TFDP2: variants seen among roughly 807,000 people sequenced by gnomAD.
TFDP2 encodes transcription factor Dp-2, also known as transcription factor Dp-2 (E2F dimerization partner 2).
Under a neutral mutation model 59.3 loss-of-function variants are expected in TFDP2, and 17 were observed. The ratio of observed to expected loss-of-function variants is 0.29; its 90% confidence interval spans 0.20 to 0.43. TFDP2 has a LOEUF of 0.43. Ranked by LOEUF, TFDP2 falls within the 20% of genes least tolerant of loss-of-function variation. The pLI is 1.00. For missense variants in TFDP2, 391 were observed against 528.8 expected (o/e 0.74, Z 2.56); for synonymous variants, 180 against 194.7 (o/e 0.92, Z 0.63).
intron 2 of TFDP2, among the ~76,000 whole-genome samples, chr3:142,099,613 T>A (rs1252469667): frequency 6.6e-6 from 1 of 151,182 alleles, no homozygotes; most frequent in Non-Finnish European, 1.5e-5. Context: ...GGCAGGAGAA[T>A]CACTTGAACC....
chr3:142,122,425 C>T (rs2062081642), intron 1 of TFDP2, among the ~76,000 whole-genome samples: 1 of 152,126 alleles, frequency 6.6e-6, no homozygotes, highest in South Asian at 2.1e-4. Context: ...GGATCACTTC[C>T]AATACCAACT....
rs540253965 is a variant in TFDP2 at position 142,078,087 on chromosome 3, T to G, written c.82+14974A>C. On this transcript the variant is annotated intron_variant, in intron 3 of 12. Coordinates refer to ENST00000489671, the MANE Select transcript of TFDP2 (RefSeq NM_001178139.2). ...TGGTGGTGGCTGGGGGAAAGACTCC[T>G]CTGCCTGTGGAAAGGGGAGAGAAGA... Among the ~76,000 whole-genome samples the G allele has an allele frequency of 8.1e-4, 124 of 152,264 alleles. 1 individual carries two copies. The highest frequency in any genetic ancestry group is 2.8e-3 in the African/African-American group (116 of 41,544).
At chr3:141,997,428 G>A (rs1943367156) in intron 4 of TFDP2, among the ~76,000 whole-genome samples, 2 of 152,078 alleles carry the variant, frequency 1.3e-5, no homozygotes, top group Non-Finnish European at 2.9e-5. Context: ...TCCTTGAACA[G>A]CAGTGTCTAC....
rs1941880968 is a variant in TFDP2 at position 141,984,632 on chromosome 3, A to G, written c.357-5950T>C. 2.0e-5 allele frequency among the ~76,000 whole-genome samples: 3 copies of G among 152,218 alleles called. No individual in the cohort carries two copies. In the South Asian group the frequency reaches 6.2e-4, roughly 31 times the overall value. On this transcript the variant is annotated intron_variant, in intron 6 of 12. Transcript: ENST00000489671. Reference sequence around the variant, plus strand: ...TGCTTCATGGGGACAGAGTTTCAATATGGGATGATGAAAAAGTTCTCAAGA... The same window carrying G: ...TGCTTCATGGGGACAGAGTTTCAATGTGGGATGATGAAAAAGTTCTCAAGA...
chr3:142,119,198 A>G (rs528607311), intron 1 of TFDP2, among the ~76,000 whole-genome samples: 1 of 152,302 alleles, frequency 6.6e-6, no homozygotes, highest in South Asian at 2.1e-4. Context: ...CATTCCAGAA[A>G]TAAAATACTT....
At chr3:142,012,701 A>G (rs575036092) in intron 3 of TFDP2, among the ~76,000 whole-genome samples, 4 of 152,340 alleles carry the variant, frequency 2.6e-5, no homozygotes, top group South Asian at 2.1e-4. Context: ...ATATTTTTAT[A>G]TATTCATAAA....
In TFDP2 at chr3:141,993,574, C is replaced by T. The variant is rs776524764; in HGVS notation, c.320G>A (p.Arg107Gln). The change falls in exon 6 of 13, where the codon CGG (arginine) becomes CAG (glutamine). Residue 107 changes from arginine to glutamine, a missense_variant. Coordinates refer to ENST00000489671, the MANE Select transcript of TFDP2 (RefSeq NM_001178139.2). ...ATCAGAGTCTATAAATTTTCTAGCC[C>T]GTTTTCTATCACTAAAAAGGAAAAA... ...ATGWVPGDRK[R>Q]ARKFIDSDFS... 4 of 1,565,142 alleles carry T rather than the reference C, an allele frequency of 2.6e-6. No individual in the cohort carries two copies. The highest frequency in any genetic ancestry group is 3.5e-6 in the Non-Finnish European group (4 of 1,145,500).
intron 3 of TFDP2, among the ~76,000 whole-genome samples, chr3:142,061,893 C>CCT (rs879708022): frequency 2.7e-5 from 1 of 37,370 alleles, no homozygotes; most frequent in African/African-American, 1.8e-4. Flanking sequence ...TCTCTCTACA[C>CCT]ACACACACAC....
chr3:141,952,360 C>A lies in TFDP2; in HGVS notation c.*153G>T, dbSNP rs1936018924. ...TTAACTTTCATCTCAATCATCTCAGCCTTCATGTGATTTGCTTATTGTGTT... is the reference window on the plus strand; with the variant it reads ...TTAACTTTCATCTCAATCATCTCAGACTTCATGTGATTTGCTTATTGTGTT... On this transcript the variant is annotated 3_prime_UTR_variant, in exon 13 of 13. Coordinates refer to ENST00000489671, the MANE Select transcript of TFDP2 (RefSeq NM_001178139.2). 1.5e-6 allele frequency: 1 copy of A among 645,714 alleles called. No homozygotes were observed. Among genetic ancestry groups the A allele is most frequent in the Non-Finnish European group, 2.5e-6 (1 of 407,348 alleles). 40.0% of individuals were successfully genotyped at this position (645,714 alleles called of 1,614,324 possible).
intron 2 of TFDP2, among the ~76,000 whole-genome samples, chr3:142,096,633 C>A (rs943919192): frequency 7.9e-5 from 12 of 152,086 alleles, no homozygotes; most frequent in African/African-American, 2.9e-4. Context: ...ACTATATAAC[C>A]AGTCACTATG....
At chr3:142,009,465 AT>A (rs1046118796) in intron 3 of TFDP2, among the ~76,000 whole-genome samples, 1 of 152,122 alleles carries the variant, frequency 6.6e-6, no homozygotes, top group Non-Finnish European at 1.5e-5. Context: ...TAATCCCAGC[AT>A]TTTGGGAAGC....
At chr3:142,024,741 C>T (rs550529890) in intron 3 of TFDP2, among the ~76,000 whole-genome samples, 5 of 151,954 alleles carry the variant, frequency 3.3e-5, no homozygotes, top group Non-Finnish European at 7.4e-5. Context: ...AATTTAAGAC[C>T]GGGTGCAATG....
At chr3:142,007,490 G>C (rs1944312631) in intron 3 of TFDP2, among the ~76,000 whole-genome samples, 1 of 152,178 alleles carries the variant, frequency 6.6e-6, no homozygotes, top group African/African-American at 2.4e-5. Flanking sequence ...TTAGCACCAG[G>C]AACTGGTTTC....
chr3:142,131,534 A>G (rs918276079), intron 1 of TFDP2, among the ~76,000 whole-genome samples: 1 of 150,288 alleles, frequency 6.7e-6, no homozygotes, highest in African/African-American at 2.5e-5. Flanking sequence ...AACAATGTCA[A>G]CAAGGACCCA....
intron 3 of TFDP2, among the ~76,000 whole-genome samples, chr3:142,069,047 C>G (rs2060158324): frequency 6.6e-6 from 1 of 152,056 alleles, no homozygotes. Flanking sequence ...TCCTGAGTAG[C>G]TGGGATTACA....
chr3:141,995,646 G>A (rs1228064915), intron 4 of TFDP2, among the ~76,000 whole-genome samples: 4 of 152,054 alleles, frequency 2.6e-5, no homozygotes, highest in Non-Finnish European at 4.4e-5. Flanking sequence ...GCATTTGGGA[G>A]GCCGAGGTGG....
intron 7 of TFDP2, among the ~76,000 whole-genome samples, chr3:141,975,253 C>T (rs1181378577): frequency 6.6e-6 from 1 of 151,750 alleles, no homozygotes; most frequent in Admixed American, 6.6e-5. Context: ...ATCAAGGAAA[C>T]CATGTTGGTT....
At chr3:142,023,277 C>G (rs538892670) in intron 3 of TFDP2, among the ~76,000 whole-genome samples, 1 of 151,172 alleles carries the variant, frequency 6.6e-6, no homozygotes. Flanking sequence ...CTCCGCCTCC[C>G]GCGTTCAAGT....
At chr3:142,064,456 A>G (rs1263288126) in intron 3 of TFDP2, among the ~76,000 whole-genome samples, 1 of 152,224 alleles carries the variant, frequency 6.6e-6, no homozygotes, top group African/African-American at 2.4e-5. Context: ...CAAGCATACT[A>G]AGAAAATATC....
Sources: gnomAD v4.1 joint callset for allele counts (sites outside exome capture counted in the v4.1 genomes callset) on GRCh38, gnomAD v4.1.1 for gene constraint, MANE v1.5 for transcripts, NCBI Gene and HGNC (gene_info 2026-07-23, HGNC 2026-07-21) for gene names.